CTDSPL: variants seen among roughly 807,000 people sequenced by gnomAD.
The protein encoded by CTDSPL is CTD small phosphatase-like protein.
CTDSPL carries 8 observed loss-of-function variants against 30.5 expected under a neutral mutation model. The ratio of observed to expected loss-of-function variants is 0.26; its 90% CI spans 0.15 to 0.47. The LOEUF (loss-of-function observed/expected upper bound fraction) is 0.47. Ranked by LOEUF, CTDSPL falls within the 20% of genes least tolerant of loss-of-function variation. The pLI, the probability that CTDSPL is intolerant of heterozygous loss-of-function variation, is 0.99. For synonymous variants in CTDSPL, 110 were observed against 137.9 expected (o/e 0.80, Z 1.42); for missense variants, 248 against 366.1 (o/e 0.68, Z 2.63).
At chr3:37,900,097 G>A (rs1575288573) in intron 1 of CTDSPL, among the ~76,000 whole-genome samples, 1 of 152,158 alleles carries the variant, frequency 6.6e-6, no homozygotes, top group South Asian at 2.1e-4. Flanking sequence ...GAGAATTTTT[G>A]TTGCCTTTGA....
intron 1 of CTDSPL, among the ~76,000 whole-genome samples, chr3:37,941,337 C>T (rs1335556862): frequency 2.7e-5 from 4 of 150,038 alleles, no homozygotes; most frequent in Non-Finnish European, 6.0e-5. Flanking sequence ...TTTCCCTTTA[C>T]TCTCCCTGTG....
chr3:37,977,304 A>C (rs1044121844), intron 7 of CTDSPL, among the ~76,000 whole-genome samples: 1 of 152,206 alleles, frequency 6.6e-6, no homozygotes, highest in African/African-American at 2.4e-5. Context: ...GTGCATTTGG[A>C]GTATTTCAAT....
At chr3:37,878,985 G>A (rs1698170514) in intron 1 of CTDSPL, among the ~76,000 whole-genome samples, 2 of 152,176 alleles carry the variant, frequency 1.3e-5, no homozygotes, top group Non-Finnish European at 1.5e-5. Context: ...TGAAGCCCCA[G>A]CTCTGCAGAG....
rs976602199 is a variant in CTDSPL at position 37,862,006 on chromosome 3, A to AGCGGCG, written c.-183_-178dup. ...GACGAGGCGGCGGCCGCTCGAGCCC[A>AGCGGCG]GCGGCGGCGGCGGCGGGAGCTGGGG... On this transcript the variant is annotated 5_prime_UTR_variant, in exon 1 of 8. Transcript: ENST00000273179. The surrounding 1 kb of genome is among the most constrained non-coding windows in gnomAD (Gnocchi z 4.3). 3 of 144,590 alleles carry AGCGGCG rather than the reference A, an allele frequency of 2.1e-5. No homozygotes were observed. The highest frequency in any genetic ancestry group is 4.6e-5 in the Non-Finnish European group (3 of 65,632). 9.0% of individuals were successfully genotyped at this position (144,590 alleles called of 1,614,324 possible).
intron 7 of CTDSPL, among the ~76,000 whole-genome samples, chr3:37,977,387 C>A (rs1034741831): frequency 5.3e-5 from 8 of 152,030 alleles, no homozygotes; most frequent in Non-Finnish European, 8.8e-5. Context: ...TAACACGTCT[C>A]CCTTTCCTCC....
intron 1 of CTDSPL, among the ~76,000 whole-genome samples, chr3:37,916,319 T>A (rs1266011333): frequency 6.6e-6 from 1 of 152,236 alleles, no homozygotes; most frequent in South Asian, 2.1e-4. Flanking sequence ...TCAGGTGTTT[T>A]TTTTACTGTG....
Position 37,861,893 on chromosome 3 carries a change from CCGCCCGCTCCCGCTTCCAGCGG to C in CTDSPL, c.-302_-281del, listed in dbSNP as rs1173844229. 1 of 141,456 alleles carries C rather than the reference CCGCCCGCTCCCGCTTCCAGCGG, an allele frequency of 7.1e-6. No individual in the cohort carries two copies. Among genetic ancestry groups the C allele is most frequent in the African/African-American group, 2.6e-5 (1 of 37,924 alleles). The allele number at this position is 141,456 out of a possible 1,614,324, so 8.8% of individuals were successfully genotyped here. A position where few individuals can be genotyped will look rare whatever the true frequency, so the allele number is the denominator to read the frequency against. The stretch of plus-strand genomic sequence containing the variant: ...CCCTCGCTCGCTCCTTCCCCCTCGC[CCGCCCGCTCCCGCTTCCAGCGG>C]CGCCGGGCCTCCCGCTCCGCCTCCC... On this transcript the variant is annotated 5_prime_UTR_variant, in exon 1 of 8. Transcript: ENST00000273179.
intron 1 of CTDSPL, among the ~76,000 whole-genome samples, chr3:37,919,164 T>A (rs1178427928): frequency 6.6e-6 from 1 of 152,156 alleles, no homozygotes; most frequent in Non-Finnish European, 1.5e-5. Context: ...ACTGTCCTTA[T>A]AAGAATTACT....
chr3:37,862,347 C>T lies in CTDSPL; in HGVS notation c.79+69C>T, dbSNP rs948237243. 2 of 1,327,552 alleles carry T rather than the reference C, an allele frequency of 1.5e-6. No individual in the cohort carries two copies. Among genetic ancestry groups the T allele is most frequent in the Admixed American group, 3.5e-5 (1 of 28,824 alleles). The allele number at this position is 1,327,552 out of a possible 1,614,324, so 82.2% of individuals were successfully genotyped here. A position where few individuals can be genotyped will look rare whatever the true frequency, so the allele number is the denominator to read the frequency against. On this transcript the variant is annotated intron_variant, in intron 1 of 7. Coordinates refer to ENST00000273179, the MANE Select transcript of CTDSPL (RefSeq NM_001008392.2). This position sits in a 1 kb window ranked among gnomAD's most constrained non-coding sequence, Gnocchi z 4.3. The stretch of plus-strand genomic sequence containing the variant: ...ACCCCGCGCCGCTGGAGTTCACTGC[C>T]GGGCGCCGGCATGGGCCTGGGGGAG...
intron 1 of CTDSPL, among the ~76,000 whole-genome samples, chr3:37,914,878 T>C (rs1486503720): frequency 1.4e-5 from 2 of 140,616 alleles, no homozygotes; most frequent in Non-Finnish European, 3.1e-5. Flanking sequence ...ATGTTCTTTT[T>C]TTTTTTTTTT....
intron 1 of CTDSPL, among the ~76,000 whole-genome samples, chr3:37,863,574 C>T (rs1353314682): frequency 6.6e-6 from 1 of 152,200 alleles, no homozygotes; most frequent in East Asian, 1.9e-4. Flanking sequence ...GTGCAGCCCA[C>T]CAGGACCCCT....
At chr3:37,964,004 C>T (rs9855589) in intron 3 of CTDSPL, among the ~76,000 whole-genome samples, 3 of 104,260 alleles carry the variant, frequency 2.9e-5, no homozygotes, top group African/African-American at 1.1e-4. Flanking sequence ...TATAGTTTGT[C>T]TTCAAGTTTT....
At chr3:37,881,008 T>C (rs1698197221) in intron 1 of CTDSPL, among the ~76,000 whole-genome samples, 1 of 149,240 alleles carries the variant, frequency 6.7e-6, no homozygotes, top group African/African-American at 2.5e-5. Context: ...GCTTACTTGC[T>C]CTTGAGGGGG....
chr3:37,908,621 A>G (rs560576134), intron 1 of CTDSPL, among the ~76,000 whole-genome samples: 20 of 152,328 alleles, frequency 1.3e-4, no homozygotes, highest in African/African-American at 4.6e-4. Context: ...TAGCTTCTTC[A>G]TATTTTAAAT....
intron 3 of CTDSPL, among the ~76,000 whole-genome samples, chr3:37,960,363 C>G (rs1699222299): frequency 6.7e-6 from 1 of 150,158 alleles, no homozygotes; most frequent in Non-Finnish European, 1.5e-5. Context: ...GCCAGTAATC[C>G]CAGCTACTCA....
At chr3:37,911,925 G>A in intron 1 of CTDSPL, 2 of 271,636 alleles carry the variant, frequency 7.4e-6, no homozygotes, top group South Asian at 6.7e-5. Flanking sequence ...AGCTGGGCGT[G>A]GTGGCGGGCG....
intron 1 of CTDSPL, among the ~76,000 whole-genome samples, chr3:37,917,541 G>A (rs568730860): frequency 6.6e-6 from 1 of 152,248 alleles, no homozygotes; most frequent in South Asian, 2.1e-4. Context: ...TTATTAGGTC[G>A]ATGTAATCTA....
At chr3:37,906,963 A>G (rs1408261654) in intron 1 of CTDSPL, among the ~76,000 whole-genome samples, 4 of 152,252 alleles carry the variant, frequency 2.6e-5, no homozygotes, top group Admixed American at 2.6e-4. Flanking sequence ...AAAATGCAGG[A>G]CTAAAGAGAG....
intron 1 of CTDSPL, among the ~76,000 whole-genome samples, chr3:37,865,101 G>A (rs957690009): frequency 9.9e-5 from 15 of 152,198 alleles, no homozygotes; most frequent in Non-Finnish European, 1.9e-4. Flanking sequence ...GCCACGTGGT[G>A]GTGCACAACT....
Sources: gnomAD v4.1 joint callset for allele counts (sites outside exome capture counted in the v4.1 genomes callset) on GRCh38, gnomAD v4.1.1 for gene constraint, Gnocchi (gnomAD v3.1) non-coding constraint, MANE v1.5 for transcripts, NCBI Gene and HGNC (gene_info 2026-07-23, HGNC 2026-07-21) for gene names.